Variants in CACNG3 observed in about 807,000 individuals in gnomAD.
CACNG3 encodes the protein calcium voltage-gated channel auxiliary subunit gamma 3, also known as voltage-dependent calcium channel gamma-3 subunit.
CACNG3 carries 3 observed loss-of-function variants against 28.5 expected under a neutral mutation model. The observed-to-expected ratio is 0.11, with a 90% CI of 0.05 to 0.27. The LOEUF (loss-of-function observed/expected upper bound fraction) is 0.27, where lower values mean the gene tolerates loss of function less well. Ranked by LOEUF, CACNG3 falls within the 10% of genes least tolerant of loss-of-function variation. The pLI is 1.00. For missense variants in CACNG3, 236 were observed against 414.4 expected (o/e 0.57, Z 3.74); for synonymous variants, 174 against 162.2 (o/e 1.07, Z -0.55).
intron 1 of CACNG3, among the ~76,000 whole-genome samples, chr16:24,282,875 TG>T (rs1898847981): frequency 6.6e-6 from 1 of 152,198 alleles, no homozygotes; most frequent in Admixed American, 6.5e-5. Flanking sequence ...ATTCTTTTTT[TG>T]TTTTTTGGAC....
intron 1 of CACNG3, among the ~76,000 whole-genome samples, chr16:24,320,902 T>G (rs1395299683): frequency 6.6e-6 from 1 of 152,004 alleles, no homozygotes; most frequent in Non-Finnish European, 1.5e-5. Flanking sequence ...ATAATTTTTT[T>G]TTTCATTTTG....
intron 1 of CACNG3, among the ~76,000 whole-genome samples, chr16:24,287,970 AAAGT>A (rs1467596892): frequency 6.6e-6 from 1 of 152,194 alleles, no homozygotes; most frequent in Non-Finnish European, 1.5e-5. Flanking sequence ...TTAAATAAAT[AAAGT>A]AAGTAAGTAA....
rs559018964 is a variant in CACNG3, at chr16:24,289,682, C to T, written c.211+32717C>T. ...TAGTCCATGAAGGTACCCCATTTGC[C>T]TTCCTAGCTGTGGGTAGCACAGCAC... On this transcript the variant is annotated intron_variant, in intron 1 of 3. Coordinates refer to ENST00000005284, the MANE Select transcript of CACNG3 (RefSeq NM_006539.4). Among the ~76,000 whole-genome samples the T allele has an allele frequency of 2.0e-5, 3 of 152,302 alleles. No individual in the cohort carries two copies. In the South Asian group the frequency reaches 6.2e-4, roughly 32 times the overall value.
At chr16:24,320,635 C>T (rs979443690) in intron 1 of CACNG3, among the ~76,000 whole-genome samples, 1 of 152,150 alleles carries the variant, frequency 6.6e-6, no homozygotes, top group Non-Finnish European at 1.5e-5. Flanking sequence ...GTGTTCTGTG[C>T]TTCACTTTCC....
chr16:24,268,676 C>A (rs1317815464), intron 1 of CACNG3, among the ~76,000 whole-genome samples: 2 of 152,120 alleles, frequency 1.3e-5, no homozygotes, highest in Non-Finnish European at 2.9e-5. Context: ...AAAAGTAACA[C>A]TAATGATTTG....
intron 1 of CACNG3, among the ~76,000 whole-genome samples, chr16:24,311,080 C>A (rs1899255313): frequency 6.6e-6 from 1 of 152,186 alleles, no homozygotes; most frequent in Non-Finnish European, 1.5e-5. Flanking sequence ...CAGTGTGAAG[C>A]AAAAGTTAAG....
intron 1 of CACNG3, among the ~76,000 whole-genome samples, chr16:24,312,968 A>AGAAAGAAAG (rs1397138131): frequency 9.1e-6 from 1 of 110,090 alleles, no homozygotes; most frequent in Non-Finnish European, 2.1e-5. Context: ...AAAGAAAGAA[A>AGAAAGAAAG]AGAAAGAAAG....
intron 1 of CACNG3, among the ~76,000 whole-genome samples, chr16:24,327,455 T>TATAC (rs1412725722): frequency 6.0e-4 from 55 of 91,384 alleles, no homozygotes; most frequent in African/African-American, 2.0e-3. Context: ...TATATATATA[T>TATAC]ACACACACAC....
chr16:24,309,983 G>A (rs1899238463), intron 1 of CACNG3, among the ~76,000 whole-genome samples: 1 of 152,184 alleles, frequency 6.6e-6, no homozygotes, highest in Admixed American at 6.5e-5. Context: ...TTAAAGCCAT[G>A]GAGTCATGTG....
At chr16:24,343,628 C>T (rs1197848638) in intron 1 of CACNG3, among the ~76,000 whole-genome samples, 2 of 152,146 alleles carry the variant, frequency 1.3e-5, no homozygotes, top group Non-Finnish European at 2.9e-5. Flanking sequence ...AGGCAAAGAA[C>T]TTAGTTCACA....
At chr16:24,321,308 A>G (rs1000705321) in intron 1 of CACNG3, among the ~76,000 whole-genome samples, 2 of 152,124 alleles carry the variant, frequency 1.3e-5, no homozygotes, top group African/African-American at 2.4e-5. Flanking sequence ...TTAACAGGGT[A>G]TGGTGGCATG....
In CACNG3 at chr16:24,256,634, A is replaced by G; in HGVS notation, c.-121A>G. 4 of 716,512 alleles carry G rather than the reference A, an allele frequency of 5.6e-6. No homozygotes were observed. The South Asian group carries it at 6.6e-5, about 12-fold the overall frequency. The allele number at this position is 716,512 out of a possible 1,614,324, so 44.4% of individuals were successfully genotyped here. ...TCCCAAAGTCCCTGTGGATGCTGACAAAAGGAGACCTGAATTTTTGGAAGA... is the reference window on the plus strand; with the variant it reads ...TCCCAAAGTCCCTGTGGATGCTGACGAAAGGAGACCTGAATTTTTGGAAGA... On this transcript the variant is annotated 5_prime_UTR_variant, in exon 1 of 4. Transcript: ENST00000005284. The surrounding 1 kb of genome is among the most constrained non-coding windows in gnomAD (Gnocchi z 4.6).
chr16:24,307,410 C>T (rs1899199817), intron 1 of CACNG3, among the ~76,000 whole-genome samples: 1 of 152,158 alleles, frequency 6.6e-6, no homozygotes, highest in Admixed American at 6.5e-5. Context: ...ACATGAGCCA[C>T]TTCAGCCAGC....
intron 1 of CACNG3, among the ~76,000 whole-genome samples, chr16:24,300,788 C>A (rs1427788766): frequency 6.6e-6 from 1 of 151,942 alleles, no homozygotes; most frequent in Admixed American, 6.6e-5. Context: ...GGCCAGTGGA[C>A]CACGCCTGTA....
chr16:24,275,987 C>T (rs192172806), intron 1 of CACNG3, among the ~76,000 whole-genome samples: 103 of 152,348 alleles, frequency 6.8e-4, no homozygotes, highest in Non-Finnish European at 8.8e-5. Context: ...TAAGGAACTA[C>T]CACTTGTCGA....
At chr16:24,299,538 G>C (rs986061972) in intron 1 of CACNG3, among the ~76,000 whole-genome samples, 1 of 152,188 alleles carries the variant, frequency 6.6e-6, no homozygotes, top group African/African-American at 2.4e-5. Context: ...AGTGCTGGGT[G>C]TGCTCATTGC....
At chr16:24,312,955 G>GAAAGAAAGAGAA (rs376780380) in intron 1 of CACNG3, among the ~76,000 whole-genome samples, 15,431 of 110,200 alleles carry the variant, frequency 0.14, 1,159 homozygotes, top group Non-Finnish European at 0.18. Context: ...AAGAAAGAAA[G>GAAAGAAAGAGAA]AGAAAGAAAG....
chr16:24,304,437 T>C (rs1183057876), intron 1 of CACNG3, among the ~76,000 whole-genome samples: 1 of 152,172 alleles, frequency 6.6e-6, no homozygotes, highest in Non-Finnish European at 1.5e-5. Context: ...TCATAAACTG[T>C]ATACCTCTGC....
intron 3 of CACNG3, among the ~76,000 whole-genome samples, chr16:24,357,000 G>C (rs144104119): frequency 0.012 from 1,858 of 152,186 alleles, 38 homozygotes; most frequent in African/African-American, 0.042. Flanking sequence ...ACTTTGGAAG[G>C]CTGAGGCGGG....
Sources: gnomAD v4.1 joint callset for allele counts (sites outside exome capture counted in the v4.1 genomes callset) on GRCh38, gnomAD v4.1.1 for gene constraint, Gnocchi (gnomAD v3.1) non-coding constraint, MANE v1.5 for transcripts, NCBI Gene and HGNC (gene_info 2026-07-23, HGNC 2026-07-21) for gene names.